Variants in FAM135A observed in about 807,000 individuals in gnomAD.
FAM135A encodes the protein protein FAM135A.
FAM135A carries 79 observed loss-of-function variants against 146.8 expected under a neutral mutation model. The observed-to-expected ratio is 0.54, with a 90% confidence interval of 0.45 to 0.65. FAM135A has a LOEUF of 0.65. FAM135A is among the 30% of genes least tolerant of loss of function. The pLI, the probability that FAM135A is intolerant of heterozygous loss-of-function variation, is 0.00. For synonymous variants in FAM135A, 562 were observed against 603.6 expected (o/e 0.93, Z 1.01); for missense variants, 1,623 against 1,758.2 (o/e 0.92, Z 1.38).
chr6:70,533,928 T>C (rs1018160654), intron 18 of FAM135A, 74 bp downstream of exon 18: 8 of 756,240 alleles, frequency 1.1e-5, no homozygotes, highest in Non-Finnish European at 1.6e-5. Context: ...GAATTTGTGA[T>C]AGGGTTGTCC....
intron 18 of FAM135A, among the ~76,000 whole-genome samples, chr6:70,534,337 T>TTTTTTGG (rs1582814518): frequency 6.9e-6 from 1 of 144,782 alleles, no homozygotes; most frequent in Non-Finnish European, 1.5e-5. Context: ...TTTTTTTTTT[T>TTTTTTGG]GAGGCAGGGT....
chr6:70,450,312 T>G (rs1266156388), intron 4 of FAM135A, among the ~76,000 whole-genome samples: 1 of 152,198 alleles, frequency 6.6e-6, no homozygotes, highest in Non-Finnish European at 1.5e-5. Flanking sequence ...GTTGCCTATG[T>G]TTTTGGGGTT....
intron 4 of FAM135A, among the ~76,000 whole-genome samples, chr6:70,434,800 A>T (rs1772578351): frequency 6.6e-6 from 1 of 152,188 alleles, no homozygotes; most frequent in Non-Finnish European, 1.5e-5. Context: ...TATCGTTGGA[A>T]CAGTCAATAA....
At chr6:70,517,831 G>A (rs973823766) in intron 12 of FAM135A, among the ~76,000 whole-genome samples, 2 of 152,136 alleles carry the variant, frequency 1.3e-5, no homozygotes, top group Admixed American at 6.5e-5. Flanking sequence ...ATATGACAGT[G>A]AACTTAATAC....
intron 11 of FAM135A, among the ~76,000 whole-genome samples, chr6:70,492,136 A>G (rs1032911197): frequency 7.9e-5 from 12 of 151,888 alleles, no homozygotes; most frequent in African/African-American, 2.9e-4. Flanking sequence ...ATACTAAAAT[A>G]TATGTAAAAT....
Position 70,560,730 on chromosome 6 carries a change from G to A in FAM135A, c.*809G>A, listed in dbSNP as rs1380062336. The A allele has an allele frequency of 2.0e-5, 3 of 152,308 alleles. No homozygotes were observed. Among genetic ancestry groups the A allele is most frequent in the African/African-American group, 7.3e-5 (3 of 41,356 alleles). The allele number at this position is 152,308 out of a possible 1,614,324, so 9.4% of individuals were successfully genotyped here. ...ACATTTTCTTTTAACTTTTTTCATGGACTTCCTTATATGTACATAATAATT... is the reference window on the plus strand; with the variant it reads ...ACATTTTCTTTTAACTTTTTTCATGAACTTCCTTATATGTACATAATAATT... On this transcript the variant is annotated 3_prime_UTR_variant, in exon 22 of 22. Transcript: ENST00000418814.
At chr6:70,431,559 A>G (rs1771636308) in intron 4 of FAM135A, among the ~76,000 whole-genome samples, 2 of 152,146 alleles carry the variant, frequency 1.3e-5, no homozygotes, top group African/African-American at 4.8e-5. Flanking sequence ...TGGCCAAAGC[A>G]AGTCATAAGT....
At chr6:70,492,946 A>AT (rs1786359263) in intron 11 of FAM135A, among the ~76,000 whole-genome samples, 1 of 151,996 alleles carries the variant, frequency 6.6e-6, no homozygotes, top group South Asian at 2.1e-4. Context: ...ACACTTATAT[A>AT]TTGCACAATT....
intron 12 of FAM135A, among the ~76,000 whole-genome samples, chr6:70,514,844 G>A (rs1316068670): frequency 6.6e-6 from 1 of 152,104 alleles, no homozygotes; most frequent in Non-Finnish European, 1.5e-5. Context: ...GAAAATTGCA[G>A]AAAAGCCCTC....
intron 5 of FAM135A, among the ~76,000 whole-genome samples, chr6:70,467,619 T>A (rs1316294107): frequency 6.6e-6 from 1 of 152,120 alleles, no homozygotes; most frequent in African/African-American, 2.4e-5. Context: ...ATGATATTTC[T>A]TCACCTTTAT....
intron 16 of FAM135A, among the ~76,000 whole-genome samples, chr6:70,530,780 A>G (rs1434027602): frequency 2.0e-5 from 3 of 152,062 alleles, no homozygotes; most frequent in African/African-American, 2.4e-5. Flanking sequence ...AAAATTGTGG[A>G]AAAATAGAGT....
At chr6:70,423,869 A>G (rs544807002) in intron 2 of FAM135A, among the ~76,000 whole-genome samples, 1 of 152,330 alleles carries the variant, frequency 6.6e-6, no homozygotes, top group South Asian at 2.1e-4. Flanking sequence ...TGAGAGGCAC[A>G]GTACTTTAGA....
At chr6:70,522,977 T>C (rs918604565) in intron 13 of FAM135A, among the ~76,000 whole-genome samples, 3 of 152,166 alleles carry the variant, frequency 2.0e-5, no homozygotes, top group African/African-American at 4.8e-5. Flanking sequence ...TTGTAAATGA[T>C]TTACAATTAA....
rs1322403675 is a variant in FAM135A at position 70,559,787 on chromosome 6, C to T, written c.4414C>T (p.Arg1472Cys). ...VLQSKDCNLV[R>C]YNVINALPNT... ...GCAAAGCAAGGACTGTAATTTGGTT[C>T]GCTATAATGTCATCAATGCATTGCC... The change falls in exon 22 of 22, where the codon CGC (arginine) becomes TGC (cysteine). Residue 1472 changes from arginine (R) to cysteine (C), a missense_variant. Around this residue, in one of 7 missense-constraint regions of FAM135A, gnomAD observed 138 missense variants for 174.1 expected, o/e 0.79. Transcript: ENST00000418814. The T allele has an allele frequency of 5.0e-6, 8 of 1,614,070 alleles. No homozygotes were observed. Among genetic ancestry groups the T allele is most frequent in the Non-Finnish European group, 6.8e-6 (8 of 1,180,002 alleles).
intron 1 of FAM135A, 26 bp downstream of exon 1, chr6:70,413,728 C>T: frequency 2.3e-6 from 2 of 858,082 alleles, no homozygotes; most frequent in Non-Finnish European, 1.4e-6. Flanking sequence ...TCCCCTCTGG[C>T]TCCCCCGGCT....
At chr6:70,496,660 C>T (rs1317443068) in intron 11 of FAM135A, among the ~76,000 whole-genome samples, 1 of 152,092 alleles carries the variant, frequency 6.6e-6, no homozygotes, top group Non-Finnish European at 1.5e-5. Flanking sequence ...AGTCTTTAAT[C>T]CATCCTGAGT....
chr6:70,556,856 ACAGT>A lies in FAM135A; in HGVS notation c.4339_4342del (p.Ser1447AspfsTer7). ...TGTGTAAAACAGCTTTAAAGGACAA[ACAGT>A]CAGGTAATGGAATAAAATTATTTCA... is the stretch of plus-strand genomic sequence containing the variant. On this transcript the variant is annotated frameshift_variant, in exon 21 of 22. Coordinates refer to ENST00000418814, the MANE Select transcript of FAM135A (RefSeq NM_001162529.3). LOFTEE classifies it high-confidence loss of function. 1 of 1,613,036 alleles carries A rather than the reference ACAGT, an allele frequency of 6.2e-7. No homozygotes were observed. The highest frequency in any genetic ancestry group is 1.1e-5 in the South Asian group (1 of 91,070).
At chr6:70,502,499 T>C (rs1338266202) in intron 11 of FAM135A, 137 bp from the exon 12 acceptor site, 3 of 753,506 alleles carry the variant, frequency 4.0e-6, no homozygotes, top group African/African-American at 3.6e-5. Flanking sequence ...TCTACACATG[T>C]GCATGCACAT....
At chr6:70,422,308 CAG>C (rs1271070099) in intron 2 of FAM135A, among the ~76,000 whole-genome samples, 1 of 152,200 alleles carries the variant, frequency 6.6e-6, no homozygotes, top group Non-Finnish European at 1.5e-5. Flanking sequence ...GAGGATCAAA[CAG>C]ATCCCCTTTC....
Sources: gnomAD v4.1 joint callset for allele counts (sites outside exome capture counted in the v4.1 genomes callset) on GRCh38, gnomAD v4.1.1 for gene constraint, gnomAD v4.1.1 regional missense constraint, MANE v1.5 for transcripts, NCBI Gene and HGNC (gene_info 2026-07-23, HGNC 2026-07-21) for gene names.